The following EPM2A variants were observed in gnomAD, a reference collection of about 807,000 sequenced individuals.
The protein encoded by EPM2A is EPM2A glucan phosphatase, laforin, also known as laforin.
A neutral mutation model predicts 26.5 loss-of-function variants in EPM2A; 21 were observed. That is an observed-to-expected ratio of 0.79 (90% CI 0.56 to 1.14). The LOEUF (loss-of-function observed/expected upper bound fraction) is 1.14, where lower values mean the gene tolerates loss of function less well. EPM2A is among the 50% of genes most tolerant of loss of function. EPM2A has a pLI of 0.00. For missense variants in EPM2A, 458 were observed against 440.8 expected (o/e 1.04, Z -0.35); for synonymous variants, 217 against 177.6 (o/e 1.22, Z -1.76).
At chr6:145,468,092 T>C (rs1327560394) in intron 4 of EPM2A, among the ~76,000 whole-genome samples, 1 of 152,112 alleles carries the variant, frequency 6.6e-6, no homozygotes, top group Non-Finnish European at 1.5e-5. Context: ...GTCCTGTTTA[T>C]ATTTGTCTTT....
At chr6:145,483,473 AATC>A (rs750759858) in intron 4 of EPM2A, among the ~76,000 whole-genome samples, 1 of 152,082 alleles carries the variant, frequency 6.6e-6, no homozygotes, top group Non-Finnish European at 1.5e-5. Flanking sequence ...TAAGGAGGTA[AATC>A]ATCAATCTGC....
intron 2 of EPM2A, chr6:145,636,265 C>T (rs565690063): frequency 6.6e-6 from 1 of 152,318 alleles, no homozygotes; most frequent in South Asian, 2.1e-4. Context: ...CTTTGGGAGG[C>T]CAAGGCAGGC....
chr6:145,596,295 T>G (rs957935798), intron 2 of EPM2A, among the ~76,000 whole-genome samples: 1 of 152,168 alleles, frequency 6.6e-6, no homozygotes, highest in Non-Finnish European at 1.5e-5. Context: ...TGAATAAAAT[T>G]TGCTAACTTC....
At chr6:145,689,667 C>G (rs1483790371) in intron 1 of EPM2A, among the ~76,000 whole-genome samples, 1 of 152,240 alleles carries the variant, frequency 6.6e-6, no homozygotes, top group South Asian at 2.1e-4. Flanking sequence ...AATAACTACA[C>G]TACTCCAGTC....
chr6:145,524,221 T>C (rs1219868637), intron 2 of EPM2A, among the ~76,000 whole-genome samples: 2 of 152,250 alleles, frequency 1.3e-5, no homozygotes, highest in Non-Finnish European at 2.9e-5. Flanking sequence ...ATCTTTGCTA[T>C]AGTGGATAGT....
At chr6:145,721,238 T>G (rs1470141258) in intron 1 of EPM2A, 1 of 152,180 alleles carries the variant, frequency 6.6e-6, no homozygotes, top group African/African-American at 2.4e-5. Context: ...AAACGCTACA[T>G]TCATGTGGCA....
chr6:145,687,096 T>C (rs1373670561), intron 1 of EPM2A, among the ~76,000 whole-genome samples: 3 of 152,290 alleles, frequency 2.0e-5, no homozygotes, highest in Admixed American at 2.0e-4. Flanking sequence ...GGTATGAATG[T>C]TTTTGTCCCC....
At chr6:145,658,381 T>A (rs1778447551) in intron 2 of EPM2A, among the ~76,000 whole-genome samples, 1 of 152,230 alleles carries the variant, frequency 6.6e-6, no homozygotes, top group Non-Finnish European at 1.5e-5. Context: ...TAGATGTGAC[T>A]TTTGCTCCTA....
At chr6:145,726,376 T>C (rs1400818476) in intron 1 of EPM2A, among the ~76,000 whole-genome samples, 2 of 152,076 alleles carry the variant, frequency 1.3e-5, no homozygotes, top group African/African-American at 4.8e-5. Context: ...ATAAATACAT[T>C]CCAGAAAATT....
chr6:145,721,114 G>A (rs748191934), intron 1 of EPM2A: 1 of 152,312 alleles, frequency 6.6e-6, no homozygotes, highest in African/African-American at 2.4e-5. Context: ...AGTGAGCCAA[G>A]ATCATGCCAC....
At chr6:145,454,679 C>T (rs1252219394) in intron 4 of EPM2A, among the ~76,000 whole-genome samples, 1 of 152,182 alleles carries the variant, frequency 6.6e-6, no homozygotes, top group Admixed American at 6.5e-5. Context: ...TAATCCCAAA[C>T]TAGCCCTTGC....
At chr6:145,399,127 C>A (rs1778447412) in intron 4 of EPM2A, among the ~76,000 whole-genome samples, 1 of 152,072 alleles carries the variant, frequency 6.6e-6, no homozygotes, top group African/African-American at 2.4e-5. Flanking sequence ...ATTATGCCAA[C>A]AATACTTACG....
intron 4 of EPM2A, among the ~76,000 whole-genome samples, chr6:145,391,075 T>G (rs543385510): frequency 6.6e-6 from 1 of 152,268 alleles, no homozygotes; most frequent in African/African-American, 2.4e-5. Flanking sequence ...CCCAGTGGAC[T>G]GAACAGATCC....
intron 1 of EPM2A, among the ~76,000 whole-genome samples, chr6:145,689,150 AT>A (rs1781119383): frequency 6.6e-6 from 1 of 152,204 alleles, no homozygotes. Flanking sequence ...TTAATTACTC[AT>A]TTTTACACAT....
At chr6:145,693,448 C>T (rs1781395367) in intron 1 of EPM2A, among the ~76,000 whole-genome samples, 1 of 151,896 alleles carries the variant, frequency 6.6e-6, no homozygotes, top group African/African-American at 2.4e-5. Flanking sequence ...ACCACATACT[C>T]TCACTTATAA....
At chr6:145,398,859 C>CAAA (rs67242355) in intron 4 of EPM2A, among the ~76,000 whole-genome samples, 9 of 131,546 alleles carry the variant, frequency 6.8e-5, no homozygotes, top group African/African-American at 1.1e-4. Flanking sequence ...GACTCTGTCT[C>CAAA]AAAAAAAAAA....
chr6:145,664,245 A>G (rs1368942984), intron 2 of EPM2A, among the ~76,000 whole-genome samples: 18 of 86,314 alleles, frequency 2.1e-4, no homozygotes, highest in South Asian at 9.4e-4. Flanking sequence ...AAGACCCATC[A>G]GTGTGCTGTA....
intron 3 of EPM2A, chr6:145,630,264 C>T (rs902136294): frequency 5.9e-5 from 9 of 152,326 alleles, no homozygotes; most frequent in Admixed American, 3.3e-4. Flanking sequence ...ATCACTCAAC[C>T]ATTGCACTGA....
At chr6:145,653,400 T>C (rs990470702) in intron 2 of EPM2A, among the ~76,000 whole-genome samples, 2 of 152,194 alleles carry the variant, frequency 1.3e-5, no homozygotes, top group Non-Finnish European at 2.9e-5. Context: ...CCTTCCACCA[T>C]GATTGTAGGT....
Sources: gnomAD v4.1 joint callset for allele counts (sites outside exome capture counted in the v4.1 genomes callset) on GRCh38, gnomAD v4.1.1 for gene constraint, MANE v1.5 for transcripts, NCBI Gene and HGNC (gene_info 2026-07-23, HGNC 2026-07-21) for gene names.